Variants in SPTB observed in about 807,000 individuals in gnomAD.
The protein encoded by SPTB is spectrin beta, erythrocytic.
A neutral mutation model predicts 256.2 loss-of-function variants in SPTB; 45 were observed. The observed-to-expected ratio is 0.18, with a 90% CI of 0.14 to 0.23. The LOEUF is 0.23. Among genes scored for constraint, SPTB ranks in the 10% least tolerant of loss-of-function variants. The probability of loss-of-function intolerance (pLI) is 1.00; values close to 1 mark genes in which losing one functional copy is unlikely to be tolerated. For synonymous variants in SPTB, 1,231 were observed against 1,243.1 expected (o/e 0.99, Z 0.21); for missense variants, 2,715 against 3,040.4 (o/e 0.89, Z 2.52).
Position 64,797,467 on chromosome 14 carries a change from CAAAAAAAAAAAAAAAAAA to C in SPTB, c.1182+244_1182+261del, listed in dbSNP as rs57385615. Reference sequence around the variant, plus strand: ...GGGTGACAGAGTGAGACCCTGTCTCCAAAAAAAAAAAAAAAAAAAAAAAAAAAAAAAAAAAGGACTCAG... The same window carrying C: ...GGGTGACAGAGTGAGACCCTGTCTCCAAAAAAAAAAAAAAAAAGGACTCAG... On this transcript the variant is annotated intron_variant, in intron 10 of 35. Coordinates refer to ENST00000644917, the MANE Select transcript of SPTB (RefSeq NM_001355436.2). Among the ~76,000 whole-genome samples the C allele has an allele frequency of 1.7e-3, 54 of 31,012 alleles. 1 individual carries two copies. The highest frequency in any genetic ancestry group is 5.5e-3 in the African/African-American group (46 of 8,308). The allele number at this position is 31,012 out of a possible 152,430, so 20.3% of individuals were successfully genotyped here. A position where few individuals can be genotyped will look rare whatever the true frequency, so the allele number is the denominator to read the frequency against.
intron 32 of SPTB, among the ~76,000 whole-genome samples, chr14:64,765,797 G>A (rs1379577028): frequency 6.6e-6 from 1 of 151,812 alleles, no homozygotes; most frequent in Non-Finnish European, 1.5e-5. Context: ...GGACAGCTGA[G>A]TGATTGGGGT....
chr14:64,773,346 G>C lies in SPTB; in HGVS notation c.5052C>G (p.Arg1684=), dbSNP rs229593. ...GLKDVAEERK[R]KLENMYHLFQ... is the part of the protein sequence containing the mutation. ...ACAGGTGGTACATGTTCTCCAGCTT[G>C]CGCTTGCGCTCTTCCGCCACGTCCT... The change falls in exon 25 of 36, where the codon CGC becomes CGG. Residue 1684 remains arginine (R), a synonymous_variant. Coordinates refer to ENST00000644917, the MANE Select transcript of SPTB (RefSeq NM_001355436.2). The C allele has an allele frequency of 6.2e-7, 1 of 1,614,166 alleles. No homozygotes were observed. Among genetic ancestry groups the C allele is most frequent in the Non-Finnish European group, 8.5e-7 (1 of 1,180,030 alleles).
At chr14:64,803,837 G>C (rs1471703355) in intron 3 of SPTB, 57 bp from the exon 4 acceptor site, 2 of 1,540,954 alleles carry the variant, frequency 1.3e-6, no homozygotes, top group African/African-American at 2.7e-5. Context: ...CATCCCAGAG[G>C]CTGCAGCGTG....
chr14:64,796,596 T>C lies in SPTB; in HGVS notation c.1302A>G (p.Arg434=). The C allele has an allele frequency of 6.2e-7, 1 of 1,614,222 alleles. No homozygotes were observed. The highest frequency in any genetic ancestry group is 1.6e-4 in the Middle Eastern group (1 of 6,062). The change falls in exon 11 of 36, where the codon AGA becomes AGG. Residue 434 remains arginine, a synonymous_variant. Coordinates refer to ENST00000644917, the MANE Select transcript of SPTB (RefSeq NM_001355436.2). The surrounding 1 kb of genome is among the most constrained non-coding windows in gnomAD (Gnocchi z 4.1). ...GCTGGTTTTCACTGAGCCAGGTCTC[T>C]CTCATTGCGGCCTTCCGGTCAAAGC... ...ARRFDRKAAM[R]ETWLSENQRL... is the part of the protein sequence containing the mutation.
rs772370094 is a variant in SPTB, at chr14:64,774,370, C to T, written c.4973+27G>A. 1.9e-6 allele frequency: 3 copies of T among 1,578,022 alleles called. No homozygotes were observed. The South Asian group carries it at 3.5e-5, about 18-fold the overall frequency. The stretch of plus-strand genomic sequence containing the variant: ...CCCTGGCTCAATCCCCATCTCCTGA[C>T]CGAGTCACCACAGGGGGCGCACGCA... On this transcript the variant is annotated intron_variant, in intron 24 of 35. Coordinates refer to ENST00000644917, the MANE Select transcript of SPTB (RefSeq NM_001355436.2).
In SPTB at chr14:64,749,698, T is replaced by A; in HGVS notation, c.6777-2A>T. 6.2e-7 allele frequency: 1 copy of A among 1,613,716 alleles called. No homozygotes were observed. Among genetic ancestry groups the A allele is most frequent in the Non-Finnish European group, 8.5e-7 (1 of 1,179,890 alleles). ...AGCCACTCGCTGCCATTACTCAGCC[T>A]AGGAGGACAAAGGGTTTCCTGTCAT... On this transcript the variant is annotated splice_acceptor_variant, in intron 34 of 35. Coordinates refer to ENST00000644917, the MANE Select transcript of SPTB (RefSeq NM_001355436.2). LOFTEE classifies it high-confidence loss of function. The surrounding 1 kb of genome is among the most constrained non-coding windows in gnomAD (Gnocchi z 4.7).
intron 2 of SPTB, among the ~76,000 whole-genome samples, chr14:64,815,126 C>T (rs1018536595): frequency 6.6e-6 from 1 of 152,020 alleles, no homozygotes; most frequent in African/African-American, 2.4e-5. Context: ...ACATTATAGT[C>T]CAGGTACAGA....
chr14:64,799,843 G>C lies in SPTB; in HGVS notation c.968C>G (p.Thr323Ser). The change falls in exon 9 of 36, where the codon ACT becomes AGT. Residue 323 changes from threonine to serine, a missense_variant. Thr to Ser is a moderately conservative substitution (Grantham distance 58). Around this residue, in one of 4 missense-constraint regions of SPTB, gnomAD observed 416 missense variants for 571.1 expected, o/e 0.73. Coordinates refer to ENST00000644917, the MANE Select transcript of SPTB (RefSeq NM_001355436.2). ...DLLTWIEQTITVLNSRKFANS... is the reference protein window; with the variant it reads ...DLLTWIEQTISVLNSRKFANS... ...GGCAAACTTGCGGCTGTTCAGGACAGTGATGGTCTGCTCGATCCAGGTGAG... is the reference window on the plus strand; with the variant it reads ...GGCAAACTTGCGGCTGTTCAGGACACTGATGGTCTGCTCGATCCAGGTGAG... The C allele has an allele frequency of 6.2e-7, 1 of 1,614,274 alleles. No homozygotes were observed. Among genetic ancestry groups the C allele is most frequent in the Non-Finnish European group, 8.5e-7 (1 of 1,180,050 alleles).
intron 2 of SPTB, among the ~76,000 whole-genome samples, chr14:64,813,742 C>T (rs1458208698): frequency 1.3e-5 from 2 of 152,144 alleles, no homozygotes; most frequent in African/African-American, 4.8e-5. Flanking sequence ...GCCAGGCTGG[C>T]CTCAAACTCT....
intron 24 of SPTB, among the ~76,000 whole-genome samples, chr14:64,773,854 T>C (rs1594760491): frequency 6.6e-6 from 1 of 152,156 alleles, no homozygotes; most frequent in South Asian, 2.1e-4. Context: ...ACCTCTGGGG[T>C]GGCTGCTGAG....
intron 19 of SPTB, 70 bp downstream of exon 19, chr14:64,784,177 C>G: frequency 6.2e-7 from 1 of 1,608,062 alleles, no homozygotes; most frequent in Non-Finnish European, 8.5e-7. Flanking sequence ...GGTCCACACC[C>G]TGGGTGAAGC....
chr14:64,784,149 C>T (rs2082519946), intron 19 of SPTB, 98 bp downstream of exon 19: 1 of 1,576,024 alleles, frequency 6.3e-7, no homozygotes, highest in East Asian at 2.3e-5. Flanking sequence ...TCTGTACTGT[C>T]AGCAAGCTTT....
chr14:64,837,838 ATCACCTCTGG>A (rs2083549014), intron 1 of SPTB, among the ~76,000 whole-genome samples: 1 of 125,542 alleles, frequency 8.0e-6, no homozygotes, highest in Admixed American at 8.7e-5. Flanking sequence ...TGACCTCTGG[ATCACCTCTGG>A]TGATCCACCC....
chr14:64,817,648 T>C (rs1252615705), intron 2 of SPTB, among the ~76,000 whole-genome samples: 2 of 152,342 alleles, frequency 1.3e-5, no homozygotes, highest in South Asian at 2.1e-4. Flanking sequence ...ACTTGCCCTC[T>C]GGACACAAAG....
rs190409062 is a variant in SPTB, at chr14:64,873,626, A to T, written c.-52+6166T>A. On this transcript the variant is annotated intron_variant, in intron 1 of 35. Coordinates refer to ENST00000644917, the MANE Select transcript of SPTB (RefSeq NM_001355436.2). The surrounding 1 kb of genome is among the most constrained non-coding windows in gnomAD (Gnocchi z 4.3). ...GCTATGGTAAAGGGTAATACCATTAACAAGTGTCTTCTCTCCAGAACCAAT... is the reference window on the plus strand; with the variant it reads ...GCTATGGTAAAGGGTAATACCATTATCAAGTGTCTTCTCTCCAGAACCAAT... 3.7e-3 allele frequency among the ~76,000 whole-genome samples: 566 copies of T among 152,306 alleles called. 1 individual carries two copies. The highest frequency in any genetic ancestry group is 5.4e-3 in the Non-Finnish European group (367 of 68,040).
intron 1 of SPTB, among the ~76,000 whole-genome samples, chr14:64,843,520 T>C (rs915319655): frequency 6.6e-6 from 1 of 152,210 alleles, no homozygotes; most frequent in Non-Finnish European, 1.5e-5. Context: ...TACTCTCTCA[T>C]TTTCACTTGG....
intron 3 of SPTB, 70 bp from the exon 4 acceptor site, chr14:64,803,850 C>A: frequency 1.3e-6 from 2 of 1,513,708 alleles, no homozygotes; most frequent in Non-Finnish European, 1.8e-6. Context: ...GCAGCGTGGA[C>A]CAGCTCCTGT....
chr14:64,824,712 A>T lies in SPTB; in HGVS notation c.-51-1567T>A, dbSNP rs1375529306. ...ACACAGGCTCATATCTGACACACTGACACACACCAGCACACACATGCACAT... is the reference window on the plus strand; with the variant it reads ...ACACAGGCTCATATCTGACACACTGTCACACACCAGCACACACATGCACAT... On this transcript the variant is annotated intron_variant, in intron 1 of 35. Coordinates refer to ENST00000644917, the MANE Select transcript of SPTB (RefSeq NM_001355436.2). This position sits in a 1 kb window ranked among gnomAD's most constrained non-coding sequence, Gnocchi z 5.7. Among the ~76,000 whole-genome samples the T allele has an allele frequency of 6.6e-6, 1 of 151,730 alleles. No homozygotes were observed. The highest frequency in any genetic ancestry group is 2.4e-5 in the African/African-American group (1 of 41,050).
intron 32 of SPTB, among the ~76,000 whole-genome samples, chr14:64,765,017 A>AGTGTGTGTGT (rs749379191): frequency 1.6e-4 from 17 of 108,860 alleles, no homozygotes; most frequent in South Asian, 6.4e-4. Context: ...GCCACAGAGG[A>AGTGTGTGTGT]GTGTGTGCGT....
Sources: allele counts gnomAD v4.1 joint callset (sites outside exome capture counted in the v4.1 genomes callset), GRCh38; gene constraint gnomAD v4.1.1; regional missense constraint gnomAD v4.1.1; non-coding constraint Gnocchi (gnomAD v3.1); transcripts MANE v1.5; gene names NCBI Gene and HGNC (gene_info 2026-07-23, HGNC 2026-07-21).